The following TNR variants were observed in gnomAD, a reference collection of about 807,000 sequenced individuals.
TNR encodes the protein tenascin R, also known as tenascin-R.
Under a neutral mutation model 150.4 loss-of-function variants are expected in TNR, and 45 were observed. The observed-to-expected ratio is 0.30, with a 90% CI of 0.24 to 0.38. The LOEUF is 0.38. Among genes scored for constraint, TNR ranks in the 10% least tolerant of loss-of-function variants. The pLI is 1.00. For missense variants in TNR, 1,544 were observed against 1,759.1 expected, an observed-to-expected ratio of 0.88 and a Z score of 2.19; for synonymous variants, 687 against 678.4, an observed-to-expected ratio of 1.01 and a Z score of -0.20.
intron 1 of TNR, among the ~76,000 whole-genome samples, chr1:175,678,191 C>A (rs1665920676): frequency 2.6e-5 from 4 of 152,188 alleles, no homozygotes. Context: ...AGCATCCCTT[C>A]CTAAGGATGA....
intron 1 of TNR, among the ~76,000 whole-genome samples, chr1:175,565,578 T>C (rs1247499238): frequency 6.6e-6 from 1 of 152,196 alleles, no homozygotes; most frequent in Non-Finnish European, 1.5e-5. Flanking sequence ...TCGGAACACT[T>C]ATACATTGTT....
At chr1:175,556,929 A>G (rs1250861115) in intron 1 of TNR, 1 of 152,172 alleles carries the variant, frequency 6.6e-6, no homozygotes. Flanking sequence ...CACTTCCATG[A>G]TTATGTTGTG....
intron 2 of TNR, among the ~76,000 whole-genome samples, chr1:175,438,905 C>T (rs1396868952): frequency 1.3e-5 from 2 of 152,098 alleles, no homozygotes; most frequent in East Asian, 1.9e-4. Context: ...ACATTCCATG[C>T]TCATGGGTAG....
intron 2 of TNR, among the ~76,000 whole-genome samples, chr1:175,446,305 C>A (rs1031423814): frequency 2.6e-5 from 4 of 152,184 alleles, no homozygotes; most frequent in Non-Finnish European, 5.9e-5. Flanking sequence ...TGGCTCTGTA[C>A]CAAATCCTTG....
intron 1 of TNR, among the ~76,000 whole-genome samples, chr1:175,648,242 C>T (rs893340664): frequency 1.3e-5 from 2 of 152,120 alleles, no homozygotes. Context: ...TGTTTCTACC[C>T]TCAAACCTGC....
At chr1:175,518,349 C>T (rs147804829) in intron 2 of TNR, among the ~76,000 whole-genome samples, 19 of 152,296 alleles carry the variant, frequency 1.2e-4, no homozygotes, top group African/African-American at 4.1e-4. Context: ...TCAGACTGTG[C>T]AGTCTTGGGA....
At chr1:175,705,023 G>C (rs932108295) in intron 1 of TNR, among the ~76,000 whole-genome samples, 90 of 152,308 alleles carry the variant, frequency 5.9e-4, no homozygotes, top group African/African-American at 2.1e-3. Flanking sequence ...GCCAGAGCAA[G>C]AGTCCAGAGT....
chr1:175,375,990 T>C lies in TNR; in HGVS notation c.1963+3562A>G, dbSNP rs577377354. On this transcript the variant is annotated intron_variant, in intron 9 of 22. Transcript: ENST00000367674. ...AAGAAATTTGCTCAAGGATGCACTTTTCATGAAGCTGGTCTCCCCCCTGAG... is the reference window on the plus strand; with the variant it reads ...AAGAAATTTGCTCAAGGATGCACTTCTCATGAAGCTGGTCTCCCCCCTGAG... Among the ~76,000 whole-genome samples the C allele has an allele frequency of 5.9e-5, 9 of 152,272 alleles. No homozygotes were observed. In the East Asian group the frequency reaches 1.5e-3, roughly 26 times the overall value.
At chr1:175,433,233 G>A (rs527813485) in intron 2 of TNR, among the ~76,000 whole-genome samples, 14 of 152,292 alleles carry the variant, frequency 9.2e-5, no homozygotes, top group African/African-American at 3.1e-4. Flanking sequence ...TTTCTATATT[G>A]TTAAGCCATT....
At position 175,662,552 on chromosome 1, in the gene TNR, C is replaced by T. The variant is rs533851226; in HGVS notation, c.-165+80674G>A. On this transcript the variant is annotated intron_variant, in intron 1 of 22. Transcript: ENST00000367674. ...GGCTGGGTGCTAGGCATCAGGTAGG[C>T]AGTTGATAATGTATGATTGATGAAT... Among the ~76,000 whole-genome samples, 20 of 152,354 alleles carry T rather than the reference C, an allele frequency of 1.3e-4. No homozygotes were observed. In the East Asian group the frequency reaches 3.3e-3, roughly 25 times the overall value.
intron 1 of TNR, among the ~76,000 whole-genome samples, chr1:175,710,563 C>T (rs1197446151): frequency 6.6e-6 from 1 of 152,004 alleles, no homozygotes; most frequent in Non-Finnish European, 1.5e-5. Context: ...GTGAAGAGGC[C>T]CTCAGTACAG....
chr1:175,601,131 T>C (rs535670585), intron 1 of TNR, among the ~76,000 whole-genome samples: 1 of 152,346 alleles, frequency 6.6e-6, no homozygotes, highest in African/African-American at 2.4e-5. Context: ...CAGAAATGCC[T>C]TTATCTTCTG....
At chr1:175,476,030 C>A (rs765956568) in intron 2 of TNR, among the ~76,000 whole-genome samples, 2 of 152,176 alleles carry the variant, frequency 1.3e-5, no homozygotes, top group South Asian at 4.1e-4. Context: ...GAAGAGCAAA[C>A]GCAGCCCAAA....
intron 1 of TNR, among the ~76,000 whole-genome samples, chr1:175,741,340 G>T: frequency 6.6e-6 from 1 of 152,036 alleles, no homozygotes; most frequent in East Asian, 1.9e-4. Flanking sequence ...TTTTTTCAGA[G>T]AAAATTTAAG....
chr1:175,697,869 T>A (rs1666580042), intron 1 of TNR, among the ~76,000 whole-genome samples: 1 of 152,166 alleles, frequency 6.6e-6, no homozygotes, highest in African/African-American at 2.4e-5. Context: ...CCCATCCTCA[T>A]TTTGCAGATA....
intron 2 of TNR, among the ~76,000 whole-genome samples, chr1:175,450,040 C>T (rs960404016): frequency 6.6e-6 from 1 of 152,180 alleles, no homozygotes; most frequent in Non-Finnish European, 1.5e-5. Context: ...ACCTGGCTTC[C>T]CTTCCTTCTA....
At position 175,431,472 on chromosome 1, in the gene TNR, A is replaced by G. The variant is rs139039648; in HGVS notation, c.-63-24695T>C. ...CTTAAATTCTCACTAAGGTGATACC[A>G]TAGGTGAGATCCCCACCTTTTTCCT... On this transcript the variant is annotated intron_variant, in intron 2 of 22. Coordinates refer to ENST00000367674, the MANE Select transcript of TNR (RefSeq NM_003285.3). 1.9e-3 allele frequency among the ~76,000 whole-genome samples: 288 copies of G among 152,256 alleles called. 1 individual carries two copies. The highest frequency in any genetic ancestry group is 6.7e-3 in the African/African-American group (277 of 41,538).
chr1:175,700,774 G>C (rs1325951823), intron 1 of TNR, among the ~76,000 whole-genome samples: 2 of 152,128 alleles, frequency 1.3e-5, no homozygotes, highest in African/African-American at 4.8e-5. Context: ...GCAGACTCTA[G>C]GTCTCCACTG....
chr1:175,512,003 C>A (rs1659197319), intron 2 of TNR, among the ~76,000 whole-genome samples: 1 of 152,138 alleles, frequency 6.6e-6, no homozygotes, highest in Non-Finnish European at 1.5e-5. Context: ...GGTGCTACAG[C>A]TATAGGATGA....
Sources: gnomAD v4.1 joint callset for allele counts (sites outside exome capture counted in the v4.1 genomes callset) on GRCh38, gnomAD v4.1.1 for gene constraint, MANE v1.5 for transcripts, NCBI Gene and HGNC (gene_info 2026-07-23, HGNC 2026-07-21) for gene names.